The following USP20 variants were observed in gnomAD, a reference collection of about 807,000 sequenced individuals.
USP20 encodes the protein ubiquitin specific peptidase 20, also known as ubiquitin carboxyl-terminal hydrolase 20.
A neutral mutation model predicts 124.2 loss-of-function variants in USP20; 80 were observed. The observed-to-expected ratio is 0.64, with a 90% confidence interval of 0.54 to 0.78. USP20 has a LOEUF of 0.78. Ranked by LOEUF, USP20 falls within the 30% of genes least tolerant of loss-of-function variation. USP20 has a pLI of 0.00. For missense variants in USP20, 1,043 were observed against 1,244.4 expected, an observed-to-expected ratio of 0.84 and a Z score of 2.44; for synonymous variants, 481 against 512.3, an observed-to-expected ratio of 0.94 and a Z score of 0.83.
chr9:129,846,245 A>ATTTTTTTTTTTTTTT (rs1169724263), intron 1 of USP20, among the ~76,000 whole-genome samples: 1 of 43,378 alleles, frequency 2.3e-5, no homozygotes, highest in Non-Finnish European at 4.1e-5. Flanking sequence ...ATATATATAT[A>ATTTTTTTTTTTTTTT]TATTTTTTTT....
chr9:129,860,699 G>A (rs559299047), intron 6 of USP20, among the ~76,000 whole-genome samples: 19 of 152,352 alleles, frequency 1.2e-4, no homozygotes, highest in Admixed American at 1.2e-3. Context: ...ACTCCAGCCT[G>A]GGTGACAAAG....
intron 2 of USP20, among the ~76,000 whole-genome samples, chr9:129,850,647 G>GTT (rs544060012): frequency 1.3e-5 from 2 of 151,378 alleles, no homozygotes; most frequent in Admixed American, 6.6e-5. Context: ...TTTGTTTTTT[G>GTT]TTTTTTGTGT....
At chr9:129,870,214 T>C (rs1244501797) in intron 14 of USP20, 5 of 577,074 alleles carry the variant, frequency 8.7e-6, no homozygotes, top group Non-Finnish European at 1.5e-5. Context: ...GGGGGTAGCA[T>C]GATCATGGCC....
intron 3 of USP20, among the ~76,000 whole-genome samples, chr9:129,852,979 G>A (rs1160141036): frequency 6.6e-6 from 1 of 152,164 alleles, no homozygotes; most frequent in African/African-American, 2.4e-5. Flanking sequence ...GCTCAGGGAA[G>A]CCTGAGCAGG....
chr9:129,846,228 C>CAT (rs1159489842), intron 1 of USP20, among the ~76,000 whole-genome samples: 2,644 of 59,334 alleles, frequency 0.045, 270 homozygotes, highest in Non-Finnish European at 0.051. Flanking sequence ...TGCGCCCAGC[C>CAT]ATATATATAT....
intron 1 of USP20, among the ~76,000 whole-genome samples, chr9:129,842,426 G>T (rs1194039065): frequency 2.6e-5 from 4 of 152,092 alleles, no homozygotes; most frequent in Admixed American, 1.3e-4. Context: ...CAAGAGCAGG[G>T]CCTATGCCTG....
Position 129,859,254 on chromosome 9 carries a change from C to CTTTTTTTTT in USP20, c.330+656_330+657insTTTTTTTTT, listed in dbSNP as rs1564206127. On this transcript the variant is annotated intron_variant, in intron 6 of 25. Coordinates refer to ENST00000372429, the MANE Select transcript of USP20 (RefSeq NM_001110303.4). The stretch of plus-strand genomic sequence containing the variant: ...GCAGCATCTGCATGGCTCTCTCCTC[C>CTTTTTTTTT]ATTTATTTTATTTTATTTTATTTTA... Among the ~76,000 whole-genome samples, 2 of 67,092 alleles carry CTTTTTTTTT rather than the reference C, an allele frequency of 3.0e-5. 1 individual carries two copies. The highest frequency in any genetic ancestry group is 6.7e-5 in the Non-Finnish European group (2 of 29,750). 44.0% of individuals were successfully genotyped at this position (67,092 alleles called of 152,430 possible).
intron 9 of USP20, among the ~76,000 whole-genome samples, chr9:129,864,563 C>T (rs1207260296): frequency 6.6e-6 from 1 of 151,384 alleles, no homozygotes; most frequent in Non-Finnish European, 1.5e-5. Flanking sequence ...ATCGCAAGGT[C>T]AGGAGTTCGA....
At chr9:129,858,368 G>A in intron 5 of USP20, 99 bp from the exon 6 acceptor site, 2 of 1,552,864 alleles carry the variant, frequency 1.3e-6, no homozygotes, top group Non-Finnish European at 1.8e-6. Context: ...TCCTGACAGG[G>A]CCTCTTACTG....
intron 3 of USP20, 95 bp from the exon 4 acceptor site, chr9:129,856,212 C>T: frequency 2.4e-6 from 3 of 1,273,714 alleles, no homozygotes; most frequent in South Asian, 1.2e-5. Flanking sequence ...TGCATGTCAG[C>T]CAGGTGGGGC....
intron 10 of USP20, among the ~76,000 whole-genome samples, chr9:129,867,754 G>A (rs1282307019): frequency 6.6e-6 from 1 of 152,194 alleles, no homozygotes; most frequent in African/African-American, 2.4e-5. Context: ...TGCATACCTG[G>A]CTCTGACACT....
intron 10 of USP20, among the ~76,000 whole-genome samples, chr9:129,865,688 A>G (rs1483157932): frequency 2.0e-5 from 3 of 152,084 alleles, no homozygotes; most frequent in Non-Finnish European, 4.4e-5. Flanking sequence ...GGGTGGGTAC[A>G]GGGTCTCACT....
intron 1 of USP20, among the ~76,000 whole-genome samples, chr9:129,843,163 C>T (rs1010137410): frequency 2.6e-4 from 39 of 148,926 alleles, no homozygotes; most frequent in African/African-American, 9.7e-4. Context: ...GGCATGGTGG[C>T]GTACACCTGT....
intron 1 of USP20, chr9:129,835,954 C>T (rs2031800267): frequency 6.6e-6 from 1 of 152,254 alleles, no homozygotes; most frequent in Non-Finnish European, 1.5e-5. Flanking sequence ...AATAATGGCC[C>T]CCAGCTTCTC....
intron 1 of USP20, among the ~76,000 whole-genome samples, chr9:129,843,776 A>G (rs1433200392): frequency 6.6e-6 from 1 of 151,996 alleles, no homozygotes; most frequent in South Asian, 2.1e-4. Context: ...AGATTTAGTC[A>G]AAGTTTCACA....
intron 1 of USP20, among the ~76,000 whole-genome samples, chr9:129,846,245 A>ATTTTTTTTTTTT (rs1169724263): frequency 6.9e-5 from 3 of 43,378 alleles, no homozygotes; most frequent in Non-Finnish European, 8.1e-5. Flanking sequence ...ATATATATAT[A>ATTTTTTTTTTTT]TATTTTTTTT....
At position 129,875,274 on chromosome 9, in the gene USP20, T is replaced by G. The variant is rs370316617; in HGVS notation, c.2049-36T>G. The stretch of plus-strand genomic sequence containing the variant: ...TGCATGTGTCTGAAGGTGGCAGCCG[T>G]CAGGCACAGCTTCTCGCCCCCTCCT... On this transcript the variant is annotated intron_variant, in intron 19 of 25. Transcript: ENST00000372429. The G allele has an allele frequency of 7.8e-5, 122 of 1,565,490 alleles. No homozygotes were observed. In the African/African-American group the frequency reaches 1.5e-3, roughly 19 times the overall value.
chr9:129,846,754 C>CT (rs1267946392), intron 1 of USP20, among the ~76,000 whole-genome samples: 2 of 151,010 alleles, frequency 1.3e-5, no homozygotes, highest in African/African-American at 4.9e-5. Context: ...AGCCTCCCTA[C>CT]TAGCTGGGAA....
intron 25 of USP20, 69 bp downstream of exon 25, chr9:129,880,358 T>C (rs938079334): frequency 1.6e-5 from 24 of 1,470,846 alleles, no homozygotes; most frequent in Non-Finnish European, 2.2e-5. Flanking sequence ...GACCCTCACA[T>C]GTCCTTTTGA....
Sources: gnomAD v4.1 joint callset for allele counts (sites outside exome capture counted in the v4.1 genomes callset) on GRCh38, gnomAD v4.1.1 for gene constraint, MANE v1.5 for transcripts, NCBI Gene and HGNC (gene_info 2026-07-23, HGNC 2026-07-21) for gene names.